Variants in MACROD2 observed in about 807,000 individuals in gnomAD.
MACROD2 encodes the protein mono-ADP ribosylhydrolase 2.
A neutral mutation model predicts 70.4 loss-of-function variants in MACROD2; 36 were observed. The ratio of observed to expected loss-of-function variants is 0.51; its 90% confidence interval spans 0.39 to 0.68. The LOEUF is 0.68. Among genes scored for constraint, MACROD2 ranks in the 30% least tolerant of loss-of-function variants. MACROD2 has a pLI of 0.00. For missense variants in MACROD2, 496 were observed against 538.4 expected (o/e 0.92, Z 0.78); for synonymous variants, 172 against 178.8 (o/e 0.96, Z 0.30).
intron 4 of MACROD2, among the ~76,000 whole-genome samples, chr20:14,667,498 T>G (rs1186881941): frequency 1.3e-5 from 2 of 152,184 alleles, no homozygotes; most frequent in Non-Finnish European, 2.9e-5. Flanking sequence ...TACTTTTTAT[T>G]TCATAAGCCC....
chr20:15,159,465 G>A (rs1051111370), intron 5 of MACROD2, among the ~76,000 whole-genome samples: 3 of 152,188 alleles, frequency 2.0e-5, no homozygotes, highest in South Asian at 4.1e-4. Flanking sequence ...TAGAACTAGA[G>A]TGATTGAAAT....
chr20:14,148,914 C>A (rs1165187397), intron 3 of MACROD2, among the ~76,000 whole-genome samples: 1 of 152,034 alleles, frequency 6.6e-6, no homozygotes, highest in African/African-American at 2.4e-5. Flanking sequence ...CTCCCCTTCC[C>A]CCAATTGCCA....
chr20:14,965,453 C>CTTTTTTTTTTTTTT (rs532870999), intron 5 of MACROD2, among the ~76,000 whole-genome samples: 11 of 68,056 alleles, frequency 1.6e-4, no homozygotes, highest in Non-Finnish European at 2.4e-4. Flanking sequence ...ATTTTTTTTT[C>CTTTTTTTTTTTTTT]TTTTTTTTTT....
Position 15,332,167 on chromosome 20 carries a change from T to G in MACROD2, c.541-99238T>G, listed in dbSNP as rs2078000001. On this transcript the variant is annotated intron_variant, in intron 6 of 17. Transcript: ENST00000684519. ...TGTTGACATGGGCATATCATTTTTG[T>G]CCAGGTTAAAAGAATATTTAAATAT... Among the ~76,000 whole-genome samples, 3 of 151,516 alleles carry G rather than the reference T, an allele frequency of 2.0e-5. 1 individual carries two copies. Among genetic ancestry groups the G allele is most frequent in the Admixed American group, 2.0e-4 (3 of 15,216 alleles).
chr20:15,156,951 A>G (rs1362340766), intron 5 of MACROD2, among the ~76,000 whole-genome samples: 4 of 152,242 alleles, frequency 2.6e-5, no homozygotes, highest in Non-Finnish European at 5.9e-5. Flanking sequence ...TCTGTATCAC[A>G]TTAACTTTTT....
At chr20:15,692,661 G>T (rs2050312987) in intron 8 of MACROD2, among the ~76,000 whole-genome samples, 1 of 152,070 alleles carries the variant, frequency 6.6e-6, no homozygotes, top group South Asian at 2.1e-4. Flanking sequence ...TCCTGTTGAT[G>T]GTAAAGAAGT....
At chr20:14,429,658 T>C (rs2083973691) in intron 3 of MACROD2, among the ~76,000 whole-genome samples, 1 of 152,190 alleles carries the variant, frequency 6.6e-6, no homozygotes, top group Admixed American at 6.5e-5. Context: ...AAGTCAGGCA[T>C]CAGCACCTTT....
At chr20:14,425,048 C>T (rs922668992) in intron 3 of MACROD2, among the ~76,000 whole-genome samples, 1 of 152,196 alleles carries the variant, frequency 6.6e-6, no homozygotes, top group Non-Finnish European at 1.5e-5. Context: ...ATATGATTCA[C>T]ACAACTCTTT....
chr20:14,786,664 A>C (rs577537703), intron 5 of MACROD2, among the ~76,000 whole-genome samples: 2 of 151,970 alleles, frequency 1.3e-5, no homozygotes, highest in Admixed American at 6.6e-5. Flanking sequence ...AACTAGAGTG[A>C]GTCTTAGGAT....
chr20:15,563,614 C>A (rs1459883044), intron 8 of MACROD2, among the ~76,000 whole-genome samples: 2 of 152,066 alleles, frequency 1.3e-5, no homozygotes, highest in Non-Finnish European at 2.9e-5. Context: ...AGAAAAATCT[C>A]TTTTTTAAGT....
intron 8 of MACROD2, among the ~76,000 whole-genome samples, chr20:15,606,884 C>T (rs1244661473): frequency 6.6e-6 from 1 of 152,028 alleles, no homozygotes; most frequent in Non-Finnish European, 1.5e-5. Context: ...TGCCTTTAAT[C>T]CCAGCTACTC....
At chr20:15,923,018 A>G (rs1287692237) in intron 10 of MACROD2, among the ~76,000 whole-genome samples, 1 of 152,226 alleles carries the variant, frequency 6.6e-6, no homozygotes, top group East Asian at 1.9e-4. Flanking sequence ...TATTCAACTC[A>G]TGGCTACAGA....
intron 3 of MACROD2, among the ~76,000 whole-genome samples, chr20:14,472,052 G>A (rs1444128703): frequency 2.6e-5 from 4 of 152,164 alleles, no homozygotes; most frequent in Non-Finnish European, 4.4e-5. Context: ...AACCAACTCA[G>A]GAAATCTTAA....
chr20:15,230,540 TTACTC>T (rs1324962946), intron 6 of MACROD2, among the ~76,000 whole-genome samples: 1 of 152,182 alleles, frequency 6.6e-6, no homozygotes, highest in African/African-American at 2.4e-5. Flanking sequence ...CTGCAGGAAA[TTACTC>T]TGCGTATGTA....
rs117236079 is a variant in MACROD2, at chr20:15,893,098, G to A, written c.775+7287G>A. On this transcript the variant is annotated intron_variant, in intron 10 of 17. Transcript: ENST00000684519. ...AAATTATGTGTACAAACACACTCATGTTCAGATATTCCTAAGGGTTAAAAT... is the reference window on the plus strand; with the variant it reads ...AAATTATGTGTACAAACACACTCATATTCAGATATTCCTAAGGGTTAAAAT... The A allele has an allele frequency of 9.0e-3, 3,613 of 399,974 alleles. 33 individuals are homozygous for A. The highest frequency in any genetic ancestry group is 0.011 in the Non-Finnish European group (2,474 of 226,900). The allele number at this position is 399,974 out of a possible 1,614,324, so 24.8% of individuals were successfully genotyped here. A position where few individuals can be genotyped will look rare whatever the true frequency, so the allele number is the denominator to read the frequency against.
chr20:14,690,775 T>C (rs139759329), intron 5 of MACROD2, among the ~76,000 whole-genome samples: 105 of 152,308 alleles, frequency 6.9e-4, no homozygotes, highest in African/African-American at 2.4e-3. Context: ...TGTTTACATA[T>C]TGTCTATGGC....
At chr20:14,865,576 C>G (rs1208149700) in intron 5 of MACROD2, among the ~76,000 whole-genome samples, 3 of 151,982 alleles carry the variant, frequency 2.0e-5, no homozygotes, top group Non-Finnish European at 2.9e-5. Flanking sequence ...GAATTGATGG[C>G]TTTTCAGAAT....
chr20:15,637,097 C>G (rs758836375), intron 8 of MACROD2, among the ~76,000 whole-genome samples: 11 of 152,142 alleles, frequency 7.2e-5, no homozygotes, highest in Non-Finnish European at 1.6e-4. Context: ...GGATGCTCCC[C>G]ACAAAGAACT....
chr20:15,494,857 G>A (rs183144157), intron 7 of MACROD2, among the ~76,000 whole-genome samples: 13 of 151,574 alleles, frequency 8.6e-5, no homozygotes, highest in African/African-American at 3.1e-4. Context: ...TTTATTTATC[G>A]TATAAGTCAA....
Sources: allele counts gnomAD v4.1 joint callset (sites outside exome capture counted in the v4.1 genomes callset), GRCh38; gene constraint gnomAD v4.1.1; transcripts MANE v1.5; gene names NCBI Gene and HGNC (gene_info 2026-07-23, HGNC 2026-07-21).